C1orf159: variants seen among roughly 807,000 people sequenced by gnomAD.
C1orf159 encodes chromosome 1 open reading frame 159, also known as uncharacterized protein C1orf159.
C1orf159 carries 19 observed loss-of-function variants against 25.6 expected under a neutral mutation model. The observed-to-expected ratio is 0.74, with a 90% CI of 0.52 to 1.09. The LOEUF is 1.09. C1orf159 is among the 50% of genes least tolerant of loss of function. The probability of loss-of-function intolerance (pLI) is 0.00; values close to 1 mark genes in which losing one functional copy is unlikely to be tolerated. For synonymous variants in C1orf159, 139 were observed against 124.7 expected, an observed-to-expected ratio of 1.12 and a Z score of -0.77; for missense variants, 274 against 290.6, an observed-to-expected ratio of 0.94 and a Z score of 0.42.
rs770420167 is a variant in C1orf159, at chr1:1,110,102, C to T, written c.-136+5958G>A. ...TGTGTGACTTAACCCCGGCCTGGCA[C>T]GGCCTTAGGTCCTGATTATAACTCG... On this transcript the variant is annotated intron_variant, in intron 1 of 9. Transcript: ENST00000421241. The surrounding 1 kb of genome is among the most constrained non-coding windows in gnomAD (Gnocchi z 4.8). 3.3e-5 allele frequency among the ~76,000 whole-genome samples: 5 copies of T among 152,244 alleles called. No homozygotes were observed. The highest frequency in any genetic ancestry group is 9.6e-5 in the African/African-American group (4 of 41,464).
In C1orf159 at chr1:1,085,979, C is replaced by G; in HGVS notation, c.344G>C (p.Gly115Ala). ...GAGGCCGGAGCTAATGAAGAACGTG[C>G]CCAGGAAGAGGGAGGCGGCCACGCG... ...APRVAASLFL[G>A]TFFISSGLIL... The change falls in exon 7 of 10, where the codon GGC (glycine) becomes GCC (alanine). Residue 115 changes from glycine (G) to alanine (A), a missense_variant. Gly to Ala is a moderately conservative substitution (Grantham distance 60). Coordinates refer to ENST00000421241, the MANE Select transcript of C1orf159 (RefSeq NM_017891.5). 6.2e-7 allele frequency: 1 copy of G among 1,613,306 alleles called. No individual in the cohort carries two copies. The highest frequency in any genetic ancestry group is 1.1e-5 in the South Asian group (1 of 91,082).
intron 9 of C1orf159, chr1:1,083,189 CT>C (rs1645772849): frequency 1.8e-6 from 1 of 544,632 alleles, no homozygotes; most frequent in Admixed American, 3.5e-5. Context: ...GGACGGCTTC[CT>C]CCTGCCCGGC....
At chr1:1,113,632 G>A (rs991909798) in intron 1 of C1orf159, among the ~76,000 whole-genome samples, 13 of 152,168 alleles carry the variant, frequency 8.5e-5, no homozygotes, top group Non-Finnish European at 1.8e-4. Context: ...CGGGTAGGAG[G>A]CAGAAGAGAC....
intron 1 of C1orf159, among the ~76,000 whole-genome samples, chr1:1,099,810 T>C (rs960966493): frequency 2.7e-5 from 3 of 112,992 alleles, no homozygotes; most frequent in African/African-American, 1.4e-4. Flanking sequence ...TCTCCTACTA[T>C]GATTCTGGGT....
At chr1:1,106,366 T>C (rs1646170960) in intron 1 of C1orf159, among the ~76,000 whole-genome samples, 2 of 152,144 alleles carry the variant, frequency 1.3e-5, no homozygotes, top group South Asian at 4.1e-4. Flanking sequence ...CAGAAATAAA[T>C]GTTGGCAAAC....
In C1orf159 at chr1:1,082,949, C is replaced by T. The variant is rs775050522; in HGVS notation, c.541G>A (p.Asp181Asn). 6.2e-7 allele frequency: 1 copy of T among 1,603,700 alleles called. No homozygotes were observed. Among genetic ancestry groups the T allele is most frequent in the Admixed American group, 1.7e-5 (1 of 59,092 alleles). Residue 181 changes from aspartate (D) to asparagine (N), a missense_variant, in exon 10 of 10, where the codon GAC (aspartate) becomes AAC (asparagine). By Grantham distance (23) the Asp-to-Asn change is conservative. Transcript: ENST00000421241. ...PRYVRRERPLDRATDPAAFPG... is the reference protein window; with the variant it reads ...PRYVRRERPLNRATDPAAFPG... ...AAGGCAGCGGGATCCGTGGCCCTGT[C>T]CAGGGGCCGCTCCCGCCTGACGTAG...
In C1orf159 at chr1:1,089,034, G is replaced by A. The variant is rs1205576283; in HGVS notation, c.148+1319C>T. On this transcript the variant is annotated intron_variant, in intron 4 of 9. Coordinates refer to ENST00000421241, the MANE Select transcript of C1orf159 (RefSeq NM_017891.5). The surrounding 1 kb of genome is among the most constrained non-coding windows in gnomAD (Gnocchi z 7.5). ...CCGGAGGCCGAAGAACGGAGTCCAC[G>A]GCAGGGAGCCAAACACCAGCGCAGC... 6.6e-6 allele frequency among the ~76,000 whole-genome samples: 1 copy of A among 152,216 alleles called. No individual in the cohort carries two copies. Among genetic ancestry groups the A allele is most frequent in the Non-Finnish European group, 1.5e-5 (1 of 68,028 alleles).
At chr1:1,100,551 G>A (rs759470304) in intron 1 of C1orf159, among the ~76,000 whole-genome samples, 8 of 152,136 alleles carry the variant, frequency 5.3e-5, no homozygotes, top group Admixed American at 2.0e-4. Context: ...GGTGCTGCAC[G>A]TTCTTGGTGC....
Position 1,087,136 on chromosome 1 carries a change from T to C in C1orf159, c.310+3A>G, listed in dbSNP as rs746196855. The C allele has an allele frequency of 2.5e-6, 4 of 1,607,916 alleles. No individual in the cohort carries two copies. On this transcript the variant is annotated splice_donor_region_variant and intron_variant, in intron 6 of 9. Transcript: ENST00000421241. The surrounding 1 kb of genome is among the most constrained non-coding windows in gnomAD (Gnocchi z 8.3). Reference sequence around the variant, plus strand: ...GAGGTGGCTGTGGCCTGCTGAGACTTACCAGGATGTGGCCGCCCGGGGGTC... The same window carrying C: ...GAGGTGGCTGTGGCCTGCTGAGACTCACCAGGATGTGGCCGCCCGGGGGTC...
intron 1 of C1orf159, among the ~76,000 whole-genome samples, chr1:1,111,529 G>A (rs931490318): frequency 4.6e-5 from 7 of 152,116 alleles, no homozygotes; most frequent in African/African-American, 1.7e-4. Flanking sequence ...GCCAGACCCC[G>A]TCTCAACAAC....
chr1:1,092,218 GC>G, intron 1 of C1orf159, 115 bp from the exon 2 acceptor site: 1 of 273,634 alleles, frequency 3.7e-6, no homozygotes. Context: ...ACCCTTGCCG[GC>G]CCCTGGCTGT....
At chr1:1,115,827 C>T (rs1290655836) in intron 1 of C1orf159, among the ~76,000 whole-genome samples, 6 of 148,088 alleles carry the variant, frequency 4.1e-5, no homozygotes, top group Non-Finnish European at 7.5e-5. Flanking sequence ...CGCCTTTCCC[C>T]CATAGGACCG....
chr1:1,084,239 G>A (rs778947721), intron 9 of C1orf159, 114 bp downstream of exon 9: 32 of 1,520,356 alleles, frequency 2.1e-5, no homozygotes, highest in Non-Finnish European at 2.3e-5. Context: ...GACCCGGGCA[G>A]GGGTGGCCGA....
At position 1,087,346 on chromosome 1, in the gene C1orf159, G is replaced by A. The variant is rs1570304991; in HGVS notation, c.245-142C>T. 23 of 1,160,432 alleles carry A rather than the reference G, an allele frequency of 2.0e-5. No homozygotes were observed. Among genetic ancestry groups the A allele is most frequent in the Admixed American group, 5.2e-5 (2 of 38,500 alleles). 71.9% of individuals were successfully genotyped at this position (1,160,432 alleles called of 1,614,324 possible). A position where few individuals can be genotyped will look rare whatever the true frequency, so the allele number is the denominator to read the frequency against. ...GCAGCCCTCACCACAGAGCTGTCCC[G>A]AATGGCCCAGCAGACTCGGGAAGAG... is the stretch of plus-strand genomic sequence containing the variant. On this transcript the variant is annotated intron_variant, in intron 5 of 9. Coordinates refer to ENST00000421241, the MANE Select transcript of C1orf159 (RefSeq NM_017891.5). This position sits in a 1 kb window ranked among gnomAD's most constrained non-coding sequence, Gnocchi z 8.3.
intron 3 of C1orf159, chr1:1,091,029 G>A (rs1388522080): frequency 1.6e-5 from 24 of 1,455,820 alleles, no homozygotes; most frequent in Middle Eastern, 1.7e-4. Flanking sequence ...ACTGCGGAGT[G>A]CGGGATAGAA....
At position 1,107,044 on chromosome 1, in the gene C1orf159, C is replaced by T. The variant is rs554387566; in HGVS notation, c.-136+9016G>A. Among the ~76,000 whole-genome samples the T allele has an allele frequency of 1.4e-3, 210 of 152,308 alleles. 1 individual carries two copies. The highest frequency in any genetic ancestry group is 4.8e-3 in the African/African-American group (200 of 41,552). ...CCTGCCATGCCCGAGGCCCCCCGCACCCCCGCCCGTGGGCTCCCACACAGC... is the reference window on the plus strand; with the variant it reads ...CCTGCCATGCCCGAGGCCCCCCGCATCCCCGCCCGTGGGCTCCCACACAGC... On this transcript the variant is annotated intron_variant, in intron 1 of 9. Transcript: ENST00000421241.
At chr1:1,098,614 C>T (rs6698368) in intron 1 of C1orf159, among the ~76,000 whole-genome samples, 41,336 of 152,070 alleles carry the variant, frequency 0.27, 7,322 homozygotes, top group African/African-American at 0.51. Flanking sequence ...GGAGTATTGG[C>T]GTAACTTTTT....
intron 6 of C1orf159, 136 bp from the exon 7 acceptor site, chr1:1,086,148 C>A (rs1025405393): frequency 8.8e-7 from 1 of 1,131,688 alleles, no homozygotes; most frequent in Non-Finnish European, 1.2e-6. Flanking sequence ...CTGTGGGTGC[C>A]GAGGGCTCTG....
chr1:1,115,526 T>C (rs1040702238), intron 1 of C1orf159, among the ~76,000 whole-genome samples: 1 of 10,152 alleles, frequency 9.9e-5, no homozygotes, highest in African/African-American at 4.2e-4. Flanking sequence ...CCCCCTCCCC[T>C]CCCCAGGTGC....
Sources: allele counts gnomAD v4.1 joint callset (sites outside exome capture counted in the v4.1 genomes callset), GRCh38; gene constraint gnomAD v4.1.1; non-coding constraint Gnocchi (gnomAD v3.1); transcripts MANE v1.5; gene names NCBI Gene and HGNC (gene_info 2026-07-23, HGNC 2026-07-21).